Variants in ATP11C observed in about 807,000 individuals in gnomAD.
The protein encoded by ATP11C is ATPase phospholipid transporting 11C (ATP11C blood group).
Under a neutral mutation model 97.4 loss-of-function variants are expected in ATP11C, and 36 were observed. That is an observed-to-expected ratio of 0.37 (90% CI 0.28 to 0.49). The LOEUF (loss-of-function observed/expected upper bound fraction) is 0.49. Among genes scored for constraint, ATP11C ranks in the 20% least tolerant of loss-of-function variants. The pLI, the probability that ATP11C is intolerant of heterozygous loss-of-function variation, is 0.98. For synonymous variants in ATP11C, 275 were observed against 290.9 expected, an observed-to-expected ratio of 0.95 and a Z score of 0.56; for missense variants, 730 against 824.6, an observed-to-expected ratio of 0.89 and a Z score of 1.40.
At chrX:139,789,894 G>C (rs1397188984) in intron 12 of ATP11C, among the ~76,000 whole-genome samples, 2 of 109,814 alleles carry the variant, frequency 1.8e-5, no homozygotes, top group African/African-American at 6.6e-5. Flanking sequence ...GCTGGGTGTG[G>C]TGGCACACAC....
intron 1 of ATP11C, among the ~76,000 whole-genome samples, chrX:139,834,520 T>C (rs2083716931): frequency 8.9e-6 from 1 of 111,986 alleles, no homozygotes; most frequent in African/African-American, 3.2e-5. Context: ...GATGATCTGA[T>C]TGTAATTATT....
chrX:139,837,025 CA>C lies in ATP11C; in HGVS notation c.28-10203del, dbSNP rs759226914. On this transcript the variant is annotated intron_variant, in intron 1 of 29. Coordinates refer to ENST00000682941, the MANE Select transcript of ATP11C (RefSeq NM_001353812.2). The stretch of plus-strand genomic sequence containing the variant: ...ACACACACACATACACACACACACA[CA>C]CAGGGACAGGGAGGAGAGATAAAGC... Among the ~76,000 whole-genome samples, 93 of 111,494 alleles carry C rather than the reference CA, an allele frequency of 8.3e-4. 1 individual carries two copies. The South Asian group carries it at 0.012, about 14-fold the overall frequency.
At chrX:139,873,706 C>CAAAA (rs58064711) in intron 1 of ATP11C, among the ~76,000 whole-genome samples, 2 of 17,302 alleles carry the variant, frequency 1.2e-4, no homozygotes, top group Non-Finnish European at 2.6e-4. Context: ...GACTCCAACT[C>CAAAA]AAAAAAAAAA....
chrX:139,797,858 G>A (rs983705975), intron 10 of ATP11C, among the ~76,000 whole-genome samples: 1 of 111,690 alleles, frequency 9.0e-6, no homozygotes, highest in Admixed American at 9.6e-5. Flanking sequence ...ACGAGGCACT[G>A]CTTCAATAGG....
chrX:139,904,090 C>A (rs189262739), intron 1 of ATP11C, among the ~76,000 whole-genome samples: 66 of 111,902 alleles, frequency 5.9e-4, no homozygotes, highest in African/African-American at 1.4e-3. Context: ...AATGTAAGGA[C>A]CTAAACAAAA....
intron 1 of ATP11C, among the ~76,000 whole-genome samples, chrX:139,904,296 G>C (rs1044885227): frequency 1.8e-5 from 2 of 111,041 alleles, no homozygotes. Flanking sequence ...GGGAGGCCGA[G>C]GTGGGTGGAT....
chrX:139,850,631 G>C (rs2083974512), intron 1 of ATP11C, among the ~76,000 whole-genome samples: 1 of 111,719 alleles, frequency 9.0e-6, no homozygotes, highest in Non-Finnish European at 1.9e-5. Context: ...AGGTACAACA[G>C]GGGCCGGGGG....
intron 1 of ATP11C, among the ~76,000 whole-genome samples, chrX:139,921,101 G>C (rs2085252200): frequency 9.0e-6 from 1 of 111,707 alleles, no homozygotes; most frequent in Non-Finnish European, 1.9e-5. Flanking sequence ...GAACAAATAT[G>C]AAAGTGGAGA....
intron 1 of ATP11C, among the ~76,000 whole-genome samples, chrX:139,884,982 A>C (rs1382831843): frequency 4.5e-5 from 5 of 111,838 alleles, no homozygotes; most frequent in Non-Finnish European, 9.4e-5. Flanking sequence ...TTTTTAAAAC[A>C]TGAGGCTCAG....
chrX:139,818,174 T>G lies in ATP11C; in HGVS notation c.237+1164A>C, dbSNP rs977490187. Among the ~76,000 whole-genome samples, 3 of 111,975 alleles carry G rather than the reference T, an allele frequency of 2.7e-5. No homozygotes were observed. In the Admixed American group the frequency reaches 2.8e-4, roughly 11 times the overall value. ...TCTCTGAAGCCTTATCAAATTCCTC[T>G]TGGGTAGAAAAAAATGATAACTTAC... On this transcript the variant is annotated intron_variant, in intron 3 of 29. Transcript: ENST00000682941.
intron 1 of ATP11C, among the ~76,000 whole-genome samples, chrX:139,878,392 C>T (rs2084510880): frequency 8.9e-6 from 1 of 111,754 alleles, no homozygotes; most frequent in African/African-American, 3.3e-5. Flanking sequence ...TTAGTAAAGC[C>T]AAATATTGGC....
chrX:139,913,372 A>G (rs1226642201), intron 1 of ATP11C, among the ~76,000 whole-genome samples: 4 of 111,904 alleles, frequency 3.6e-5, no homozygotes, highest in East Asian at 2.8e-4. Flanking sequence ...ATGGGTCTAC[A>G]TTAGATCCTC....
chrX:139,848,118 A>G (rs1298216319), intron 1 of ATP11C, among the ~76,000 whole-genome samples: 2 of 111,515 alleles, frequency 1.8e-5, no homozygotes, highest in Non-Finnish European at 3.8e-5. Context: ...CAGACTTCTT[A>G]TCTGTAGTGA....
chrX:139,795,548 A>C (rs929857698), intron 12 of ATP11C, among the ~76,000 whole-genome samples: 2 of 111,720 alleles, frequency 1.8e-5, no homozygotes, highest in African/African-American at 6.5e-5. Flanking sequence ...TGCAAGCCAA[A>C]AAATTCCTTC....
In ATP11C at chrX:139,740,975, A is replaced by G. The variant is rs933920830; in HGVS notation, c.3134+16T>C. On this transcript the variant is annotated intron_variant, in intron 27 of 29. Transcript: ENST00000682941. ...TTTGCTATTTACATATTGCTCACAC[A>G]TGTACAATTGCTTACCAAATAATTC... is the stretch of plus-strand genomic sequence containing the variant. 7.6e-6 allele frequency: 8 copies of G among 1,055,748 alleles called. No homozygotes were observed. Among genetic ancestry groups the G allele is most frequent in the Non-Finnish European group, 1.1e-5 (8 of 755,422 alleles). 87.0% of individuals were successfully genotyped at this position (1,055,748 alleles called of 1,213,427 possible).
chrX:139,780,906 G>A (rs868548145), intron 18 of ATP11C, among the ~76,000 whole-genome samples: 1 of 111,578 alleles, frequency 9.0e-6, no homozygotes, highest in African/African-American at 3.3e-5. Flanking sequence ...GGAAATAACA[G>A]ACAATGGGGA....
rs796589811 is a variant in ATP11C, at chrX:139,835,710, G to A, written c.28-8887C>T. ...GTGAGCCACCGCACCCAGCTAGTGG[G>A]GACGGACTTTCTAGCAATAAAACTT... On this transcript the variant is annotated intron_variant, in intron 1 of 29. Transcript: ENST00000682941. 4.6e-5 allele frequency among the ~76,000 whole-genome samples: 5 copies of A among 107,579 alleles called. No individual in the cohort carries two copies. The South Asian group carries it at 2.1e-3, about 46-fold the overall frequency. 93.4% of individuals were successfully genotyped at this position (107,579 alleles called of 115,157 possible).
intron 1 of ATP11C, 96 bp downstream of exon 1, chrX:139,931,920 G>A (rs1182845723): frequency 1.2e-5 from 12 of 990,269 alleles, no homozygotes; most frequent in African/African-American, 1.9e-5. Flanking sequence ...TCCCAGAGAC[G>A]TAACTGCCCC....
intron 1 of ATP11C, among the ~76,000 whole-genome samples, chrX:139,887,970 CAA>C (rs751646437): frequency 2.2e-5 from 1 of 45,557 alleles, no homozygotes; most frequent in Non-Finnish European, 4.0e-5. Flanking sequence ...GACTCCGTCT[CAA>C]AAAAAAAAAA....
Sources: gnomAD v4.1 joint callset for allele counts (sites outside exome capture counted in the v4.1 genomes callset) on GRCh38, gnomAD v4.1.1 for gene constraint, MANE v1.5 for transcripts, NCBI Gene and HGNC (gene_info 2026-07-23, HGNC 2026-07-21) for gene names.